MFHAS1: variants seen among roughly 807,000 people sequenced by gnomAD.
The protein encoded by MFHAS1 is malignant fibrous histiocytoma-amplified sequence 1.
A neutral mutation model predicts 70.4 loss-of-function variants in MFHAS1; 50 were observed. That is an observed-to-expected ratio of 0.71 (90% CI 0.57 to 0.90). The LOEUF (loss-of-function observed/expected upper bound fraction) is 0.90, where lower values mean the gene tolerates loss of function less well. Ranked by LOEUF, MFHAS1 falls within the 40% of genes least tolerant of loss-of-function variation. The probability of loss-of-function intolerance (pLI) is 0.00; values close to 1 mark genes in which losing one functional copy is unlikely to be tolerated. For missense variants in MFHAS1, 1,795 were observed against 1,347.6 expected, an observed-to-expected ratio of 1.33 and a Z score of -5.20; for synonymous variants, 952 against 620.0, an observed-to-expected ratio of 1.54 and a Z score of -7.96.
At chr8:8,847,971 A>G (rs1054772368) in intron 1 of MFHAS1, among the ~76,000 whole-genome samples, 2 of 152,240 alleles carry the variant, frequency 1.3e-5, no homozygotes, top group African/African-American at 4.8e-5. Context: ...TGTAACATTA[A>G]AAACACTATC....
At chr8:8,822,823 G>A (rs1395223639) in intron 1 of MFHAS1, among the ~76,000 whole-genome samples, 1 of 151,046 alleles carries the variant, frequency 6.6e-6, no homozygotes, top group Non-Finnish European at 1.5e-5. Flanking sequence ...ACCAAGTCAG[G>A]GGGACTGACA....
In MFHAS1 at chr8:8,891,146, A is replaced by AGGCGTCGTAAGT. The variant is rs1810005558; in HGVS notation, c.1901_1912dup (p.His634_Arg637dup). ...AGCAACTGACAGCAACTTGTCCCGA[A>AGGCGTCGTAAGT]GGCGTCGTAAGTGGCGCGGGTCCCT... On this transcript the variant is annotated inframe_insertion, in exon 1 of 3. Transcript: ENST00000276282. The surrounding 1 kb of genome is among the most constrained non-coding windows in gnomAD (Gnocchi z 5.4). 1 of 1,613,542 alleles carries AGGCGTCGTAAGT rather than the reference A, an allele frequency of 6.2e-7. No individual in the cohort carries two copies. The highest frequency in any genetic ancestry group is 1.3e-5 in the African/African-American group (1 of 74,938).
At chr8:8,823,729 C>T (rs964077805) in intron 1 of MFHAS1, among the ~76,000 whole-genome samples, 2 of 149,014 alleles carry the variant, frequency 1.3e-5, no homozygotes, top group African/African-American at 2.5e-5. Flanking sequence ...CACAGGTCAC[C>T]GAGAAGAGCA....
intron 1 of MFHAS1, among the ~76,000 whole-genome samples, chr8:8,861,545 A>G (rs2116890300): frequency 6.6e-6 from 1 of 152,358 alleles, no homozygotes; most frequent in Non-Finnish European, 1.5e-5. Context: ...AGGAAATCGT[A>G]TAATCAAAAC....
chr8:8,851,403 C>T lies in MFHAS1; in HGVS notation c.2998+38658G>A, dbSNP rs148253227. Reference sequence around the variant, plus strand: ...ATAAAACAAACAGTCAGCACACAAACGTCTCAGAAATGCATGGACAGGTTC... The same window carrying T: ...ATAAAACAAACAGTCAGCACACAAATGTCTCAGAAATGCATGGACAGGTTC... On this transcript the variant is annotated intron_variant, in intron 1 of 2. Coordinates refer to ENST00000276282, the MANE Select transcript of MFHAS1 (RefSeq NM_004225.3). Among the ~76,000 whole-genome samples, 498 of 152,278 alleles carry T rather than the reference C, an allele frequency of 3.3e-3. 1 individual carries two copies. Among genetic ancestry groups the T allele is most frequent in the African/African-American group, 0.011 (473 of 41,564 alleles).
In MFHAS1 at chr8:8,890,568, A is replaced by G; in HGVS notation, c.2491T>C (p.Tyr831His). 1.2e-6 allele frequency: 2 copies of G among 1,613,630 alleles called. No homozygotes were observed. Among genetic ancestry groups the G allele is most frequent in the Non-Finnish European group, 1.7e-6 (2 of 1,180,046 alleles). Residue 831 changes from tyrosine (Y) to histidine (H), a missense_variant, in exon 1 of 3, where the codon TAC becomes CAC. By Grantham distance (83) the Tyr-to-His change is moderately conservative. Transcript: ENST00000276282. ...LELLEKMGLC[Y>H]CLNKPKGKPL... ...TTGCCCTTGGGTTTATTGAGGCAGT[A>G]ACAGAGTCCCATCTTCTCCAGCAGC... is the stretch of plus-strand genomic sequence containing the variant.
At chr8:8,803,802 G>C (rs1483801203) in intron 1 of MFHAS1, among the ~76,000 whole-genome samples, 2 of 151,814 alleles carry the variant, frequency 1.3e-5, no homozygotes, top group Non-Finnish European at 2.9e-5. Flanking sequence ...TGGAACCTCG[G>C]CTCTACTAAA....
At chr8:8,799,478 T>C (rs1332361170) in intron 1 of MFHAS1, among the ~76,000 whole-genome samples, 1 of 152,214 alleles carries the variant, frequency 6.6e-6, no homozygotes, top group Non-Finnish European at 1.5e-5. Context: ...TATTTCTGGC[T>C]GGGACAGTGG....
intron 1 of MFHAS1, among the ~76,000 whole-genome samples, chr8:8,854,966 G>C: frequency 6.6e-6 from 1 of 152,194 alleles, no homozygotes; most frequent in East Asian, 1.9e-4. Flanking sequence ...CTGGAGTGCA[G>C]TGATACTATC....
At chr8:8,787,305 C>T (rs191026708) in intron 2 of MFHAS1, among the ~76,000 whole-genome samples, 4 of 152,252 alleles carry the variant, frequency 2.6e-5, no homozygotes, top group Non-Finnish European at 4.4e-5. Context: ...TGATCTTGAT[C>T]TCCTGACCTC....
chr8:8,814,703 T>G lies in MFHAS1; in HGVS notation c.2999-17212A>C, dbSNP rs189845188. On this transcript the variant is annotated intron_variant, in intron 1 of 2. Coordinates refer to ENST00000276282, the MANE Select transcript of MFHAS1 (RefSeq NM_004225.3). The stretch of plus-strand genomic sequence containing the variant: ...AAACTTAAGAAAATAAATAAAATAA[T>G]TTTTTTAAATGGGTAAAGTTCTAAC... 4.0e-3 allele frequency among the ~76,000 whole-genome samples: 613 copies of G among 152,168 alleles called. 4 individuals are homozygous for G. Among genetic ancestry groups the G allele is most frequent in the African/African-American group, 0.014 (577 of 41,516 alleles).
rs367949577 is a variant in MFHAS1, at chr8:8,814,056, G to C, written c.2999-16565C>G. ...AGGTTCAAGCGATTCTTGTTCCCCA[G>C]CCTCCCAAGTAGCTGGGATTACAGG... On this transcript the variant is annotated intron_variant, in intron 1 of 2. Transcript: ENST00000276282. Among the ~76,000 whole-genome samples, 8 of 151,518 alleles carry C rather than the reference G, an allele frequency of 5.3e-5. No individual in the cohort carries two copies. In the South Asian group the frequency reaches 1.3e-3, roughly 24 times the overall value.
intron 1 of MFHAS1, among the ~76,000 whole-genome samples, chr8:8,804,966 G>C (rs1806238224): frequency 6.6e-6 from 1 of 152,016 alleles, no homozygotes; most frequent in Non-Finnish European, 1.5e-5. Flanking sequence ...TTATTTTTTG[G>C]TTTGAAAGAT....
At chr8:8,844,044 G>A (rs374583334) in intron 1 of MFHAS1, among the ~76,000 whole-genome samples, 29 of 152,270 alleles carry the variant, frequency 1.9e-4, no homozygotes, top group African/African-American at 4.8e-4. Flanking sequence ...GCACAGAAAC[G>A]CAAATTCTAA....
intron 2 of MFHAS1, among the ~76,000 whole-genome samples, chr8:8,790,171 G>A (rs1322718279): frequency 6.6e-6 from 1 of 152,072 alleles, no homozygotes; most frequent in Non-Finnish European, 1.5e-5. Context: ...ATTCCCATAT[G>A]CAACTTGATT....
At chr8:8,847,333 C>G (rs1434066047) in intron 1 of MFHAS1, among the ~76,000 whole-genome samples, 2 of 152,176 alleles carry the variant, frequency 1.3e-5, no homozygotes, top group African/African-American at 4.8e-5. Flanking sequence ...AGGAATGTGC[C>G]ACCGCACCCA....
In MFHAS1 at chr8:8,890,978, C is replaced by T; in HGVS notation, c.2081G>A (p.Gly694Asp). 1.2e-6 allele frequency: 2 copies of T among 1,613,940 alleles called. No homozygotes were observed. Among genetic ancestry groups the T allele is most frequent in the Non-Finnish European group, 8.5e-7 (1 of 1,179,984 alleles). Residue 694 changes from glycine (G) to aspartate (D), a missense_variant, in exon 1 of 3, where the codon GGT becomes GAT. Physicochemically the swap from Gly to Asp is moderately conservative, Grantham distance 94 (BLOSUM62 -1). Coordinates refer to ENST00000276282, the MANE Select transcript of MFHAS1 (RefSeq NM_004225.3). Reference sequence around the variant, plus strand: ...ACTCTGCAGTCGGTCCTCGGTCAGACCCGCCTGCAGGCCCAAGCGCGCCGA... The same window carrying T: ...ACTCTGCAGTCGGTCCTCGGTCAGATCCGCCTGCAGGCCCAAGCGCGCCGA... ...WDSARLGLQA[G>D]LTEDRLQSAL...
chr8:8,891,108 T>G lies in MFHAS1; in HGVS notation c.1951A>C (p.Ile651Leu). ...KLLSVAEHRE[I>L]FPNLHRVLPR... The stretch of plus-strand genomic sequence containing the variant: ...AGTACTCTGTGTAAGTTGGGGAAGA[T>G]CTCTCGGTGCTCAGCAACTGACAGC... Residue 651 changes from isoleucine to leucine, a missense_variant, in exon 1 of 3, where the codon ATC (isoleucine) becomes CTC (leucine). Physicochemically the swap from Ile to Leu is conservative, Grantham distance 5. Coordinates refer to ENST00000276282, the MANE Select transcript of MFHAS1 (RefSeq NM_004225.3). The surrounding 1 kb of genome is among the most constrained non-coding windows in gnomAD (Gnocchi z 5.4). 6.2e-7 allele frequency: 1 copy of G among 1,613,754 alleles called. No homozygotes were observed. The highest frequency in any genetic ancestry group is 8.5e-7 in the Non-Finnish European group (1 of 1,179,990).
intron 1 of MFHAS1, among the ~76,000 whole-genome samples, chr8:8,836,890 G>A (rs559423869): frequency 1.5e-4 from 23 of 151,976 alleles, no homozygotes; most frequent in African/African-American, 4.8e-4. Context: ...TTTTTGTTCC[G>A]CCGCAGTGAC....
Sources: allele counts gnomAD v4.1 joint callset (sites outside exome capture counted in the v4.1 genomes callset), GRCh38; gene constraint gnomAD v4.1.1; non-coding constraint Gnocchi (gnomAD v3.1); transcripts MANE v1.5; gene names NCBI Gene and HGNC (gene_info 2026-07-23, HGNC 2026-07-21).